CHD1: variants seen among roughly 807,000 people sequenced by gnomAD.
The protein encoded by CHD1 is ATP-dependent chromatin remodeler CHD1.
Under a neutral mutation model 224.2 loss-of-function variants are expected in CHD1, and 36 were observed. That is an observed-to-expected ratio of 0.16 (90% CI 0.12 to 0.21). The LOEUF (loss-of-function observed/expected upper bound fraction) is 0.21. CHD1 is among the 10% of genes least tolerant of loss of function. The probability of loss-of-function intolerance (pLI) is 1.00; values close to 1 mark genes in which losing one functional copy is unlikely to be tolerated. For synonymous variants in CHD1, 668 were observed against 658.3 expected, an observed-to-expected ratio of 1.01 and a Z score of -0.23; for missense variants, 1,378 against 1,994.8, an observed-to-expected ratio of 0.69 and a Z score of 5.89.
intron 17 of CHD1, 29 bp from the exon 18 acceptor site, chr5:98,885,678 T>A (rs1750602249): frequency 8.3e-7 from 1 of 1,198,514 alleles, no homozygotes; most frequent in Admixed American, 2.2e-5. Context: ...AAATACTGCA[T>A]AAACAGAATC....
chr5:98,886,832 ATAAAAT>A (rs1174590407), intron 17 of CHD1, among the ~76,000 whole-genome samples: 1 of 152,176 alleles, frequency 6.6e-6, no homozygotes, highest in East Asian at 1.9e-4. Flanking sequence ...CCTAAACCAA[ATAAAAT>A]TAAAAATTAT....
intron 26 of CHD1, among the ~76,000 whole-genome samples, chr5:98,873,065 C>G (rs909737209): frequency 7.2e-5 from 11 of 152,134 alleles, no homozygotes; most frequent in Non-Finnish European, 1.5e-4. Context: ...TGGGTTCAAG[C>G]TAAACTCCCA....
At chr5:98,911,899 C>A (rs906199059) in intron 2 of CHD1, among the ~76,000 whole-genome samples, 3 of 152,022 alleles carry the variant, frequency 2.0e-5, no homozygotes, top group Admixed American at 6.6e-5. Context: ...AATCTCTGTA[C>A]GGAAAGATGA....
chr5:98,862,921 G>A (rs1748583742), intron 32 of CHD1, among the ~76,000 whole-genome samples: 1 of 152,116 alleles, frequency 6.6e-6, no homozygotes, highest in Non-Finnish European at 1.5e-5. Context: ...TAATCCTTTA[G>A]ATTAGCTAAA....
chr5:98,913,895 C>T (rs1421876275), intron 2 of CHD1, among the ~76,000 whole-genome samples: 1 of 152,028 alleles, frequency 6.6e-6, no homozygotes, highest in Non-Finnish European at 1.5e-5. Context: ...CAGAAAAAAG[C>T]CACTCATTTC....
chr5:98,928,100 G>A (rs1260126624), intron 1 of CHD1, among the ~76,000 whole-genome samples: 1 of 151,960 alleles, frequency 6.6e-6, no homozygotes. Context: ...CCTCCATCCC[G>A]GTCCAGGAGT....
intron 2 of CHD1, among the ~76,000 whole-genome samples, chr5:98,916,044 T>C (rs944506768): frequency 6.6e-6 from 1 of 151,828 alleles, no homozygotes; most frequent in Non-Finnish European, 1.5e-5. Flanking sequence ...TACAAAAAAT[T>C]AGCCAGGCAT....
intron 31 of CHD1, among the ~76,000 whole-genome samples, chr5:98,867,596 C>A (rs989958436): frequency 1.3e-5 from 2 of 151,960 alleles, no homozygotes; most frequent in Non-Finnish European, 2.9e-5. Flanking sequence ...TTTTTAATGG[C>A]ATTGGGAATT....
Position 98,860,248 on chromosome 5 carries a change from A to T in CHD1, c.4428-180T>A, listed in dbSNP as rs1748364909. The T allele has an allele frequency of 5.1e-6, 3 of 582,834 alleles. 1 individual carries two copies. Among genetic ancestry groups the T allele is most frequent in the South Asian group, 4.9e-5 (3 of 61,546 alleles). The allele number at this position is 582,834 out of a possible 1,614,324, so 36.1% of individuals were successfully genotyped here. ...TTTCAAAACTTCATATATGACTAAGACTCCAGTGAAACTAAACATTAAATT... is the reference window on the plus strand; with the variant it reads ...TTTCAAAACTTCATATATGACTAAGTCTCCAGTGAAACTAAACATTAAATT... On this transcript the variant is annotated intron_variant, in intron 32 of 35. Coordinates refer to ENST00000614616, the MANE Select transcript of CHD1 (RefSeq NM_001270.4).
intron 2 of CHD1, 131 bp from the exon 3 acceptor site, chr5:98,905,229 A>T: frequency 7.6e-6 from 8 of 1,048,046 alleles, no homozygotes; most frequent in Non-Finnish European, 1.1e-5. Context: ...TGGCCAAAAA[A>T]AAGAAAAAGG....
intron 27 of CHD1, 85 bp downstream of exon 27, chr5:98,872,332 C>G: frequency 8.3e-6 from 12 of 1,452,616 alleles, no homozygotes; most frequent in Middle Eastern, 3.6e-4. Context: ...TCAAAACTAG[C>G]CAATAACACC....
At chr5:98,878,000 G>C (rs191434133) in intron 23 of CHD1, among the ~76,000 whole-genome samples, 2 of 152,312 alleles carry the variant, frequency 1.3e-5, no homozygotes, top group Non-Finnish European at 2.9e-5. Flanking sequence ...AAGAGAAAAA[G>C]AGGACTTGAA....
At position 98,855,360 on chromosome 5, in the gene CHD1, A is replaced by T. The variant is rs1747944103; in HGVS notation, c.*1020T>A. ...TATTGCCCACATAAAACGGGAAAAC[A>T]AACGGATTTACAATAACTTTTGGCC... is the stretch of plus-strand genomic sequence containing the variant. On this transcript the variant is annotated 3_prime_UTR_variant, in exon 36 of 36. Coordinates refer to ENST00000614616, the MANE Select transcript of CHD1 (RefSeq NM_001270.4). The T allele has an allele frequency of 6.6e-6, 1 of 152,606 alleles. No homozygotes were observed. The highest frequency in any genetic ancestry group is 1.5e-5 in the Non-Finnish European group (1 of 67,998). 9.5% of individuals were successfully genotyped at this position (152,606 alleles called of 1,614,324 possible). A position where few individuals can be genotyped will look rare whatever the true frequency, so the allele number is the denominator to read the frequency against.
Position 98,901,190 on chromosome 5 carries a change from T to C in CHD1, c.583A>G (p.Asn195Asp). The C allele has an allele frequency of 6.2e-7, 1 of 1,611,364 alleles. No homozygotes were observed. Among genetic ancestry groups the C allele is most frequent in the Non-Finnish European group, 8.5e-7 (1 of 1,179,172 alleles). Residue 195 changes from asparagine (N) to aspartate (D), a missense_variant, in exon 6 of 36, where the codon AAT becomes GAT. By Grantham distance (23) the Asn-to-Asp change is conservative. Transcript: ENST00000614616. ...AGCACCAAACTGAGACCATACCTAT[T>C]TTGAGGTTTTCTGCTTTTGACTTTG... ...KNKVKSRKPQ[N>D]RSKSKNGKKI...
chr5:98,884,069 TTG>T (rs1580421749), intron 18 of CHD1, among the ~76,000 whole-genome samples: 1 of 147,504 alleles, frequency 6.8e-6, no homozygotes, highest in East Asian at 2.0e-4. Context: ...CTCTAACTCT[TTG>T]TTTTTTGTTT....
intron 19 of CHD1, among the ~76,000 whole-genome samples, chr5:98,882,504 T>C (rs111996757): frequency 3.6e-3 from 547 of 152,154 alleles, no homozygotes; most frequent in African/African-American, 0.012. Context: ...AATGCAAAAT[T>C]CTATGAACTA....
At position 98,900,961 on chromosome 5, in the gene CHD1, T is replaced by C. The variant is rs1432160000; in HGVS notation, c.709A>G (p.Thr237Ala). 2 of 1,614,088 alleles carry C rather than the reference T, an allele frequency of 1.2e-6. No individual in the cohort carries two copies. The highest frequency in any genetic ancestry group is 1.1e-5 in the South Asian group (1 of 91,082). The stretch of plus-strand genomic sequence containing the variant: ...TCCTCCTTATAGCTAACATTAACAG[T>C]TGCTTGGCGACGAGAACTTCTTTTA... ...NDKRSSRRQA[T>A]VNVSYKEDEE... The change falls in exon 7 of 36, where the codon ACT (threonine) becomes GCT (alanine). Residue 237 changes from threonine (T) to alanine (A), a missense_variant. By Grantham distance (58) the Thr-to-Ala change is moderately conservative. This residue lies in a region of CHD1 where 306 missense variants were observed against 298.1 expected (regional missense o/e 1.03). Coordinates refer to ENST00000614616, the MANE Select transcript of CHD1 (RefSeq NM_001270.4).
At chr5:98,898,889 G>A in intron 8 of CHD1, 125 bp from the exon 9 acceptor site, 1 of 633,818 alleles carries the variant, frequency 1.6e-6, no homozygotes, top group East Asian at 2.6e-5. Flanking sequence ...CCAAGTTTGA[G>A]TAATAAAGAA....
chr5:98,914,989 AAGT>A (rs1434077502), intron 2 of CHD1, among the ~76,000 whole-genome samples: 1 of 152,220 alleles, frequency 6.6e-6, no homozygotes, highest in Non-Finnish European at 1.5e-5. Flanking sequence ...AGAATCTGGA[AAGT>A]AGTAGGTAAT....
Sources: allele counts gnomAD v4.1 joint callset (sites outside exome capture counted in the v4.1 genomes callset), GRCh38; gene constraint gnomAD v4.1.1; regional missense constraint gnomAD v4.1.1; transcripts MANE v1.5; gene names NCBI Gene and HGNC (gene_info 2026-07-23, HGNC 2026-07-21).